MAP7: variants seen among roughly 807,000 people sequenced by gnomAD.
The protein encoded by MAP7 is ensconsin.
MAP7 carries 52 observed loss-of-function variants against 94.8 expected under a neutral mutation model. The observed-to-expected ratio is 0.55, with a 90% CI of 0.44 to 0.69. The LOEUF (loss-of-function observed/expected upper bound fraction) is 0.69. MAP7 is among the 30% of genes least tolerant of loss of function. The pLI is 0.00. For missense variants in MAP7, 940 were observed against 964.6 expected, an observed-to-expected ratio of 0.97 and a Z score of 0.34; for synonymous variants, 350 against 357.0, an observed-to-expected ratio of 0.98 and a Z score of 0.22.
chr6:136,545,254 G>A (rs897818639), intron 1 of MAP7: 1 of 151,894 alleles, frequency 6.6e-6, no homozygotes, highest in African/African-American at 2.4e-5. Context: ...TGGCTAATCT[G>A]GCTAGGCAGA....
In MAP7 at chr6:136,424,241, C is replaced by T. The variant is rs190503518; in HGVS notation, c.68-2442G>A. Among the ~76,000 whole-genome samples, 743 of 151,056 alleles carry T rather than the reference C, an allele frequency of 4.9e-3. 6 individuals are homozygous for T. The highest frequency in any genetic ancestry group is 0.015 in the South Asian group (71 of 4,800). On this transcript the variant is annotated intron_variant, in intron 1 of 17. Transcript: ENST00000354570. ...TAACTAGAAGATAGGATTGTATATA[C>T]CCTTATAAAAGTTCTCATGGAAAAA...
chr6:136,359,237 A>G (rs1791839275), intron 15 of MAP7, among the ~76,000 whole-genome samples: 2 of 152,192 alleles, frequency 1.3e-5, no homozygotes, highest in South Asian at 4.1e-4. Context: ...ACTGTACATT[A>G]TATGTATGGA....
At chr6:136,447,387 G>A (rs1799666799) in intron 1 of MAP7, among the ~76,000 whole-genome samples, 1 of 152,122 alleles carries the variant, frequency 6.6e-6, no homozygotes, top group East Asian at 1.9e-4. Flanking sequence ...CACAGGACTC[G>A]CCTTTGGAAA....
chr6:136,501,046 C>T (rs1306976859), intron 1 of MAP7, among the ~76,000 whole-genome samples: 1 of 152,108 alleles, frequency 6.6e-6, no homozygotes. Flanking sequence ...TTATGTTTTA[C>T]AAACTTTCTA....
chr6:136,478,553 T>G (rs1811678360), intron 1 of MAP7, among the ~76,000 whole-genome samples: 1 of 151,744 alleles, frequency 6.6e-6, no homozygotes, highest in Non-Finnish European at 1.5e-5. Flanking sequence ...CAACAAAACA[T>G]TAGCCAGAAC....
At chr6:136,372,654 G>C in intron 7 of MAP7, 29 bp from the exon 8 acceptor site, 1 of 1,614,046 alleles carries the variant, frequency 6.2e-7, no homozygotes, top group Non-Finnish European at 8.5e-7. Flanking sequence ...GGATAACTAG[G>C]GTGCAGGTGA....
intron 10 of MAP7, chr6:136,364,258 C>A: frequency 1.8e-6 from 1 of 542,038 alleles, no homozygotes; most frequent in South Asian, 1.4e-5. Flanking sequence ...AATGTTGAAC[C>A]TTTTTGGACT....
chr6:136,402,735 T>C lies in MAP7; in HGVS notation c.244+8885A>G, dbSNP rs1017052172. Among the ~76,000 whole-genome samples the C allele has an allele frequency of 4.6e-5, 7 of 151,222 alleles. No individual in the cohort carries two copies. In the East Asian group the frequency reaches 1.4e-3, roughly 29 times the overall value. ...TCCTGGCTAACACGGTGAAACCCCGTCTCTACTAAAAATACAAAAAATTAG... is the reference window on the plus strand; with the variant it reads ...TCCTGGCTAACACGGTGAAACCCCGCCTCTACTAAAAATACAAAAAATTAG... On this transcript the variant is annotated intron_variant, in intron 3 of 17. Transcript: ENST00000354570.
chr6:136,515,696 A>G (rs773142514), intron 1 of MAP7, among the ~76,000 whole-genome samples: 6 of 152,244 alleles, frequency 3.9e-5, no homozygotes, highest in Non-Finnish European at 8.8e-5. Context: ...TAAGTTTGCT[A>G]TCTTATGTGG....
chr6:136,360,477 A>G (rs533179680), intron 13 of MAP7, among the ~76,000 whole-genome samples: 41 of 152,288 alleles, frequency 2.7e-4, no homozygotes, highest in African/African-American at 9.6e-4. Context: ...GTTATTCAAG[A>G]AAGTTGGAAC....
At chr6:136,540,980 G>T (rs1203954655) in intron 1 of MAP7, among the ~76,000 whole-genome samples, 1 of 152,208 alleles carries the variant, frequency 6.6e-6, no homozygotes, top group Non-Finnish European at 1.5e-5. Context: ...TTGGGGTCAA[G>T]GAGTGACCCA....
At chr6:136,466,147 C>G (rs1806967608) in intron 1 of MAP7, among the ~76,000 whole-genome samples, 1 of 152,040 alleles carries the variant, frequency 6.6e-6, no homozygotes. Flanking sequence ...AAAGACATAA[C>G]TGGGCAGCAC....
In MAP7 at chr6:136,414,252, C is replaced by CAAAAAAAAAAAAAAAAA. The variant is rs559869492; in HGVS notation, c.167-2572_167-2556dup. On this transcript the variant is annotated intron_variant, in intron 2 of 17. Coordinates refer to ENST00000354570, the MANE Select transcript of MAP7 (RefSeq NM_003980.6). ...TGGGCGACAGAGCGAGACTCCGTCT[C>CAAAAAAAAAAAAAAAAA]AAAAAAAAAAAAAAAAAAAAAAAAA... Among the ~76,000 whole-genome samples the CAAAAAAAAAAAAAAAAA allele has an allele frequency of 6.1e-3, 98 of 15,950 alleles. 12 individuals carry two copies. Among genetic ancestry groups the CAAAAAAAAAAAAAAAAA allele is most frequent in the Non-Finnish European group, 9.3e-3 (57 of 6,156 alleles). 10.5% of individuals were successfully genotyped at this position (15,950 alleles called of 152,430 possible). A position where few individuals can be genotyped will look rare whatever the true frequency, so the allele number is the denominator to read the frequency against.
intron 1 of MAP7, among the ~76,000 whole-genome samples, chr6:136,461,913 A>G (rs1038217333): frequency 3.3e-5 from 5 of 152,202 alleles, no homozygotes; most frequent in Admixed American, 6.5e-5. Flanking sequence ...ATTGGTTCAA[A>G]TCTGTATTCT....
chr6:136,418,247 G>T (rs183416056), intron 2 of MAP7, among the ~76,000 whole-genome samples: 2 of 152,256 alleles, frequency 1.3e-5, no homozygotes, highest in East Asian at 1.9e-4. Context: ...ACAGAGTCTC[G>T]CTCTGTTGCC....
intron 1 of MAP7, among the ~76,000 whole-genome samples, chr6:136,462,169 TA>T (rs35449742): frequency 0.065 from 8,868 of 137,180 alleles, 526 homozygotes; most frequent in African/African-American, 0.16. Flanking sequence ...ACCCTTCTCT[TA>T]AAAAAAAAAA....
chr6:136,456,798 GAA>G (rs1471358199), intron 1 of MAP7, among the ~76,000 whole-genome samples: 1 of 60,562 alleles, frequency 1.7e-5, no homozygotes, highest in Non-Finnish European at 3.8e-5. Flanking sequence ...AGAAGAAGAA[GAA>G]GAAGAAGAAG....
chr6:136,404,469 T>C (rs1446670620), intron 3 of MAP7, among the ~76,000 whole-genome samples: 2 of 152,150 alleles, frequency 1.3e-5, no homozygotes, highest in African/African-American at 4.8e-5. Context: ...TTATATTGTC[T>C]TATTCTTTCT....
At chr6:136,389,187 C>T (rs1237999647) in intron 4 of MAP7, among the ~76,000 whole-genome samples, 167 bp downstream of exon 4, 1 of 152,164 alleles carries the variant, frequency 6.6e-6, no homozygotes, top group Non-Finnish European at 1.5e-5. Context: ...AGCCCATTCG[C>T]TACCTCTCAT....
Sources: gnomAD v4.1 joint callset for allele counts (sites outside exome capture counted in the v4.1 genomes callset) on GRCh38, gnomAD v4.1.1 for gene constraint, MANE v1.5 for transcripts, NCBI Gene and HGNC (gene_info 2026-07-23, HGNC 2026-07-21) for gene names.